Variants in EDIL3 observed in about 807,000 individuals in gnomAD.
EDIL3 encodes the protein EGF like and discoidin domains 3.
In EDIL3, 37 loss-of-function variants were observed where a neutral mutation model predicts 67.4. The observed-to-expected ratio is 0.55, with a 90% CI of 0.42 to 0.72. The LOEUF (loss-of-function observed/expected upper bound fraction) is 0.72. Among genes scored for constraint, EDIL3 ranks in the 30% least tolerant of loss-of-function variants. The pLI is 0.00. For missense variants in EDIL3, 527 were observed against 586.3 expected, an observed-to-expected ratio of 0.90 and a Z score of 1.04; for synonymous variants, 195 against 196.3, an observed-to-expected ratio of 0.99 and a Z score of 0.05.
Position 84,066,712 on chromosome 5 carries a change from CAT to C in EDIL3, c.652-108_652-107del, listed in dbSNP as rs201196710. The stretch of plus-strand genomic sequence containing the variant: ...CATTGTTAATGCAGATTAATAATAA[CAT>C]AAAAAGCTAATAATTTTCATGGATA... On this transcript the variant is annotated intron_variant, in intron 6 of 10. Coordinates refer to ENST00000296591, the MANE Select transcript of EDIL3 (RefSeq NM_005711.5). 1,884 of 1,357,662 alleles carry C rather than the reference CAT, an allele frequency of 1.4e-3. 24 individuals are homozygous for C. The African/African-American group carries it at 0.024, about 18-fold the overall frequency. The allele number at this position is 1,357,662 out of a possible 1,614,324, so 84.1% of individuals were successfully genotyped here.
intron 4 of EDIL3, among the ~76,000 whole-genome samples, chr5:84,139,154 T>C (rs1748144972): frequency 1.3e-5 from 2 of 151,950 alleles, no homozygotes; most frequent in Non-Finnish European, 1.5e-5. Context: ...AGAGAATTGC[T>C]TGAACCCTGA....
chr5:84,096,720 CATGAGATTTTGGACAGTACACAGGCAGA>C (rs1364708340), intron 6 of EDIL3, among the ~76,000 whole-genome samples: 1 of 152,108 alleles, frequency 6.6e-6, no homozygotes, highest in Non-Finnish European at 1.5e-5. Context: ...AATGTGAAGA[CATGAGATTTTGGACAGTACACAGGCAGA>C]ATGACAAGGT....
At chr5:84,329,615 T>C (rs1348639690) in intron 1 of EDIL3, among the ~76,000 whole-genome samples, 1 of 152,146 alleles carries the variant, frequency 6.6e-6, no homozygotes, top group Non-Finnish European at 1.5e-5. Flanking sequence ...GTGTTTGATA[T>C]TTCGTTGCTA....
chr5:84,243,445 C>T (rs541045650), intron 2 of EDIL3, among the ~76,000 whole-genome samples: 8 of 152,192 alleles, frequency 5.3e-5, no homozygotes, highest in Non-Finnish European at 1.2e-4. Context: ...TAAGTTGACA[C>T]AAACAGCATG....
intron 3 of EDIL3, among the ~76,000 whole-genome samples, chr5:84,221,214 T>G (rs1744334630): frequency 6.6e-6 from 1 of 152,180 alleles, no homozygotes; most frequent in African/African-American, 2.4e-5. Context: ...GATTAAAATT[T>G]TATTTAACAA....
At chr5:83,975,021 T>C (rs1357411760) in intron 9 of EDIL3, among the ~76,000 whole-genome samples, 1 of 151,998 alleles carries the variant, frequency 6.6e-6, no homozygotes, top group Non-Finnish European at 1.5e-5. Context: ...ATTTAATGAG[T>C]ATATTTTAAT....
At chr5:83,946,203 C>G (rs116709490) in intron 10 of EDIL3, among the ~76,000 whole-genome samples, 1,713 of 152,002 alleles carry the variant, frequency 0.011, 16 homozygotes, top group Middle Eastern at 0.037. Flanking sequence ...CATTAAATCT[C>G]TATATAGGAG....
At chr5:84,206,412 G>A (rs1476413219) in intron 3 of EDIL3, among the ~76,000 whole-genome samples, 2 of 152,198 alleles carry the variant, frequency 1.3e-5, no homozygotes, top group East Asian at 3.9e-4. Context: ...GGAGAGTTCT[G>A]TAGATGTCTA....
intron 1 of EDIL3, among the ~76,000 whole-genome samples, chr5:84,312,094 G>A (rs1746404046): frequency 6.6e-6 from 1 of 152,126 alleles, no homozygotes; most frequent in Non-Finnish European, 1.5e-5. Context: ...CAGACGGGGT[G>A]GTGGCTGGGC....
At chr5:84,059,381 C>T (rs990432682) in intron 9 of EDIL3, among the ~76,000 whole-genome samples, 2 of 152,082 alleles carry the variant, frequency 1.3e-5, no homozygotes, top group South Asian at 2.1e-4. Context: ...CTAGCCTGGG[C>T]AACAGAGTGA....
chr5:83,948,832 C>G (rs1342944651), intron 10 of EDIL3, among the ~76,000 whole-genome samples: 1 of 151,734 alleles, frequency 6.6e-6, no homozygotes, highest in Non-Finnish European at 1.5e-5. Context: ...AATTTACCAG[C>G]ATCCTGAAAC....
intron 5 of EDIL3, among the ~76,000 whole-genome samples, chr5:84,132,367 TATATATTATATATA>T (rs2112310076): frequency 8.0e-5 from 2 of 24,878 alleles, no homozygotes; most frequent in African/African-American, 2.9e-4. Context: ...ATATATATTA[TATATATTATATATA>T]ATATATTTTA....
At chr5:84,335,944 G>A (rs1746976932) in intron 1 of EDIL3, among the ~76,000 whole-genome samples, 2 of 152,150 alleles carry the variant, frequency 1.3e-5, no homozygotes, top group Admixed American at 6.5e-5. Flanking sequence ...CTCAGATGGA[G>A]GAAGGTGGAA....
chr5:84,276,041 C>A (rs1163580392), intron 1 of EDIL3, among the ~76,000 whole-genome samples: 1 of 152,112 alleles, frequency 6.6e-6, no homozygotes, highest in South Asian at 2.1e-4. Context: ...GCTTGTGTTG[C>A]TGGGATCTCT....
At chr5:83,955,972 T>C (rs1580251228) in intron 10 of EDIL3, among the ~76,000 whole-genome samples, 1 of 151,840 alleles carries the variant, frequency 6.6e-6, no homozygotes, top group South Asian at 2.1e-4. Context: ...GAAGGACAAC[T>C]GGCTTTCAAT....
intron 1 of EDIL3, among the ~76,000 whole-genome samples, chr5:84,327,664 A>G (rs1243157357): frequency 6.6e-6 from 1 of 151,958 alleles, no homozygotes; most frequent in East Asian, 1.9e-4. Context: ...CCCACAGAGA[A>G]GTTTGGTATT....
intron 9 of EDIL3, among the ~76,000 whole-genome samples, chr5:84,029,662 T>C (rs2112200977): frequency 6.6e-6 from 1 of 152,298 alleles, no homozygotes; most frequent in South Asian, 2.1e-4. Flanking sequence ...TCAAAAGGGT[T>C]AAGATTAAGC....
At chr5:84,256,123 T>A (rs187450032) in intron 1 of EDIL3, among the ~76,000 whole-genome samples, 144 of 95,268 alleles carry the variant, frequency 1.5e-3, no homozygotes, top group Middle Eastern at 4.5e-3. Context: ...CATCTAACTA[T>A]CTATCTATCT....
chr5:83,976,678 A>G (rs1008902221), intron 9 of EDIL3, among the ~76,000 whole-genome samples: 1 of 151,764 alleles, frequency 6.6e-6, no homozygotes, highest in African/African-American at 2.4e-5. Flanking sequence ...GACATCGACA[A>G]TACCTATGTT....
Sources: gnomAD v4.1 joint callset for allele counts (sites outside exome capture counted in the v4.1 genomes callset) on GRCh38, gnomAD v4.1.1 for gene constraint, MANE v1.5 for transcripts, NCBI Gene and HGNC (gene_info 2026-07-23, HGNC 2026-07-21) for gene names.